Variants in CNTN4 observed in about 807,000 individuals in gnomAD.
CNTN4 encodes contactin-4.
CNTN4 carries 77 observed loss-of-function variants against 122.5 expected under a neutral mutation model. The observed-to-expected ratio is 0.63, with a 90% CI of 0.52 to 0.76. The LOEUF is 0.76. CNTN4 is among the 30% of genes least tolerant of loss of function. CNTN4 has a pLI of 0.00. For synonymous variants in CNTN4, 512 were observed against 447.0 expected, an observed-to-expected ratio of 1.15 and a Z score of -1.83; for missense variants, 1,256 against 1,259.1, an observed-to-expected ratio of 1.00 and a Z score of 0.04.
At chr3:2,154,806 T>C (rs960276162) in intron 2 of CNTN4, among the ~76,000 whole-genome samples, 3 of 152,166 alleles carry the variant, frequency 2.0e-5, no homozygotes, top group African/African-American at 7.2e-5. Flanking sequence ...TAACAAACAA[T>C]ACAGAAAAGC....
At chr3:2,154,271 A>G (rs1226325106) in intron 2 of CNTN4, among the ~76,000 whole-genome samples, 2 of 151,960 alleles carry the variant, frequency 1.3e-5, no homozygotes, top group Non-Finnish European at 2.9e-5. Flanking sequence ...TGTAATCCCC[A>G]GCTACTCATG....
At chr3:2,487,325 G>T (rs749123065) in intron 3 of CNTN4, among the ~76,000 whole-genome samples, 3 of 152,106 alleles carry the variant, frequency 2.0e-5, no homozygotes, top group Non-Finnish European at 4.4e-5. Context: ...TCGTAGTATG[G>T]AGGGTTATTG....
Position 2,736,337 on chromosome 3 carries a change from A to G in CNTN4, c.178A>G (p.Ile60Val). The G allele has an allele frequency of 1.9e-6, 3 of 1,613,552 alleles. No individual in the cohort carries two copies. Among genetic ancestry groups the G allele is most frequent in the Non-Finnish European group, 2.5e-6 (3 of 1,179,692 alleles). ...CEVKGNPKPH[I>V]RWKLNGTDVD... ...AGTTAAAGGAAATCCAAAACCTCAT[A>G]TCAGGTTTGTTGATGTAAAAGCATG... Residue 60 changes from isoleucine (I) to valine (V), a missense_variant, in exon 5 of 25, where the codon ATC becomes GTC. Coordinates refer to ENST00000418658, the MANE Select transcript of CNTN4 (RefSeq NM_175607.3).
At chr3:2,429,205 T>A (rs2047963223) in intron 3 of CNTN4, among the ~76,000 whole-genome samples, 1 of 152,176 alleles carries the variant, frequency 6.6e-6, no homozygotes, top group South Asian at 2.1e-4. Context: ...CTCCCCATCT[T>A]TGTGGTTTTA....
chr3:2,271,187 C>T (rs895065292), intron 2 of CNTN4, among the ~76,000 whole-genome samples: 1 of 146,480 alleles, frequency 6.8e-6, no homozygotes, highest in African/African-American at 2.5e-5. Flanking sequence ...TTTCTCTGCC[C>T]CTTGAATTAA....
intron 2 of CNTN4, among the ~76,000 whole-genome samples, chr3:2,177,834 A>G (rs1317313334): frequency 6.6e-6 from 1 of 152,164 alleles, no homozygotes; most frequent in Non-Finnish European, 1.5e-5. Flanking sequence ...CTTTCAAAGC[A>G]ATATCAAGAC....
At chr3:2,734,085 C>A (rs1273332989) in intron 4 of CNTN4, among the ~76,000 whole-genome samples, 1 of 151,970 alleles carries the variant, frequency 6.6e-6, no homozygotes, top group Non-Finnish European at 1.5e-5. Flanking sequence ...TTTGAGATAG[C>A]GTCTTGGTTT....
chr3:2,193,483 G>A (rs568662346), intron 2 of CNTN4, among the ~76,000 whole-genome samples: 1 of 152,164 alleles, frequency 6.6e-6, no homozygotes, highest in Non-Finnish European at 1.5e-5. Context: ...CTGGTTAAAG[G>A]ATACTGTAGT....
intron 4 of CNTN4, among the ~76,000 whole-genome samples, chr3:2,632,371 G>T (rs2082481354): frequency 1.3e-5 from 2 of 152,036 alleles, no homozygotes; most frequent in African/African-American, 2.4e-5. Flanking sequence ...TCATAACACT[G>T]GAAAAATATG....
chr3:2,711,073 G>A (rs1331710599), intron 4 of CNTN4, among the ~76,000 whole-genome samples: 2 of 152,206 alleles, frequency 1.3e-5, no homozygotes, highest in African/African-American at 4.8e-5. Context: ...AATATTTTCT[G>A]AATGAACTGT....
chr3:2,905,305 C>G (rs2094217409), intron 12 of CNTN4, among the ~76,000 whole-genome samples: 1 of 152,200 alleles, frequency 6.6e-6, no homozygotes, highest in African/African-American at 2.4e-5. Context: ...TTATAGACAA[C>G]AAATGTTTAT....
In CNTN4 at chr3:3,004,302, C is replaced by G. The variant is rs12637697; in HGVS notation, c.1486+15830C>G. Among the ~76,000 whole-genome samples, 41 of 152,184 alleles carry G rather than the reference C, an allele frequency of 2.7e-4. No homozygotes were observed. The East Asian group carries it at 7.2e-3, about 27-fold the overall frequency. Reference sequence around the variant, plus strand: ...CCTCTCAGTTACTTTGGTGTTTTTCCTGATCCAGCCTCTACTCTGATAACA... The same window carrying G: ...CCTCTCAGTTACTTTGGTGTTTTTCGTGATCCAGCCTCTACTCTGATAACA... On this transcript the variant is annotated intron_variant, in intron 14 of 24. Coordinates refer to ENST00000418658, the MANE Select transcript of CNTN4 (RefSeq NM_175607.3).
At chr3:2,523,463 C>G (rs770610057) in intron 3 of CNTN4, among the ~76,000 whole-genome samples, 6 of 151,252 alleles carry the variant, frequency 4.0e-5, no homozygotes, top group Non-Finnish European at 8.8e-5. Flanking sequence ...AGTGAAGGTA[C>G]ATTCAATGCT....
At chr3:2,616,076 T>C (rs2081717192) in intron 4 of CNTN4, among the ~76,000 whole-genome samples, 2 of 151,884 alleles carry the variant, frequency 1.3e-5, no homozygotes, top group Admixed American at 6.6e-5. Flanking sequence ...GTGCAGTTTG[T>C]TACATAGGTA....
At chr3:2,483,302 C>A (rs949116481) in intron 3 of CNTN4, among the ~76,000 whole-genome samples, 1 of 152,116 alleles carries the variant, frequency 6.6e-6, no homozygotes, top group Non-Finnish European at 1.5e-5. Flanking sequence ...TTGGAATGGG[C>A]GTATTTACCC....
chr3:2,261,615 C>G (rs1184509145), intron 2 of CNTN4, among the ~76,000 whole-genome samples: 2 of 152,166 alleles, frequency 1.3e-5, no homozygotes, highest in Non-Finnish European at 2.9e-5. Flanking sequence ...CAACCATTAA[C>G]TATCAACACC....
At chr3:3,013,230 A>G (rs1697407510) in intron 14 of CNTN4, among the ~76,000 whole-genome samples, 1 of 152,164 alleles carries the variant, frequency 6.6e-6, no homozygotes, top group African/African-American at 2.4e-5. Flanking sequence ...TAAGAAAACT[A>G]CAGCTCAGAG....
At chr3:2,489,863 A>T (rs2076265640) in intron 3 of CNTN4, among the ~76,000 whole-genome samples, 1 of 152,076 alleles carries the variant, frequency 6.6e-6, no homozygotes, top group South Asian at 2.1e-4. Flanking sequence ...TGCTGGGGAG[A>T]GCCCAGCCTA....
At chr3:2,280,152 G>T (rs573428892) in intron 2 of CNTN4, among the ~76,000 whole-genome samples, 73 of 152,100 alleles carry the variant, frequency 4.8e-4, no homozygotes, top group African/African-American at 1.7e-3. Flanking sequence ...TAGAGACAGG[G>T]TTTTCTCATG....
Sources: gnomAD v4.1 joint callset for allele counts (sites outside exome capture counted in the v4.1 genomes callset) on GRCh38, gnomAD v4.1.1 for gene constraint, MANE v1.5 for transcripts, NCBI Gene and HGNC (gene_info 2026-07-23, HGNC 2026-07-21) for gene names.